ADAMTSL1: variants seen among roughly 807,000 people sequenced by gnomAD.
ADAMTSL1 encodes ADAMTS like 1.
In ADAMTSL1, 126 loss-of-function variants were observed where a neutral mutation model predicts 201.8. The ratio of observed to expected loss-of-function variants is 0.62; its 90% CI spans 0.54 to 0.72. The LOEUF (loss-of-function observed/expected upper bound fraction) is 0.72, where lower values mean the gene tolerates loss of function less well. ADAMTSL1 is among the 30% of genes least tolerant of loss of function. The pLI is 0.00. For synonymous variants in ADAMTSL1, 1,121 were observed against 903.4 expected (o/e 1.24, Z -4.32); for missense variants, 2,679 against 2,277.8 (o/e 1.18, Z -3.59).
In ADAMTSL1 at chr9:18,892,317, G is replaced by C. The variant is rs776026079; in HGVS notation, c.4644-72G>C. ...AATTAGTGGCAAGAGCAGGGATGTC[G>C]GTGGGGAGGAGGTCTCTTTTCCCCA... On this transcript the variant is annotated intron_variant, in intron 25 of 28. Coordinates refer to ENST00000380548, the MANE Select transcript of ADAMTSL1 (RefSeq NM_001040272.6). 2.8e-6 allele frequency: 4 copies of C among 1,450,168 alleles called. No individual in the cohort carries two copies. In the African/African-American group the frequency reaches 5.6e-5, roughly 20 times the overall value. The allele number at this position is 1,450,168 out of a possible 1,614,324, so 89.8% of individuals were successfully genotyped here.
At chr9:18,166,246 G>A (rs550041980) in intron 2 of ADAMTSL1, among the ~76,000 whole-genome samples, 1 of 151,842 alleles carries the variant, frequency 6.6e-6, no homozygotes, top group East Asian at 1.9e-4. Flanking sequence ...ATTTAGCCCA[G>A]CACTTGCTTC....
chr9:18,035,289 T>G (rs532767614), intron 1 of ADAMTSL1, among the ~76,000 whole-genome samples: 2 of 152,302 alleles, frequency 1.3e-5, no homozygotes, highest in East Asian at 3.9e-4. Context: ...CTGCATCCTT[T>G]TTGCACATCC....
chr9:18,432,202 TTAATC>T (rs1819524038), intron 2 of ADAMTSL1, among the ~76,000 whole-genome samples: 1 of 152,204 alleles, frequency 6.6e-6, no homozygotes, highest in Non-Finnish European at 1.5e-5. Flanking sequence ...TTTTGTGTCT[TTAATC>T]AAATCACTGA....
intron 1 of ADAMTSL1, among the ~76,000 whole-genome samples, chr9:18,163,327 G>A (rs1363741715): frequency 6.6e-6 from 1 of 152,030 alleles, no homozygotes; most frequent in Non-Finnish European, 1.5e-5. Context: ...ATAAGCTCTA[G>A]ATGAAAGTTC....
intron 2 of ADAMTSL1, among the ~76,000 whole-genome samples, chr9:18,371,830 G>A (rs1837054639): frequency 6.6e-6 from 1 of 152,150 alleles, no homozygotes; most frequent in Non-Finnish European, 1.5e-5. Flanking sequence ...AGAGCTTGAA[G>A]GGTAGATATG....
chr9:18,837,221 T>C (rs1326058957), intron 23 of ADAMTSL1, among the ~76,000 whole-genome samples: 1 of 152,230 alleles, frequency 6.6e-6, no homozygotes, highest in Non-Finnish European at 1.5e-5. Flanking sequence ...TATTTTCTTC[T>C]AGAAGTTTCA....
chr9:17,915,954 C>G (rs1223324360), intron 1 of ADAMTSL1, among the ~76,000 whole-genome samples: 5 of 151,796 alleles, frequency 3.3e-5, no homozygotes, highest in African/African-American at 1.2e-4. Flanking sequence ...CAGTCTTGCT[C>G]TGTTGCCCAG....
intron 1 of ADAMTSL1, among the ~76,000 whole-genome samples, chr9:18,083,731 A>T (rs1057383166): frequency 6.6e-6 from 1 of 152,222 alleles, no homozygotes; most frequent in Non-Finnish European, 1.5e-5. Context: ...CGTCCATAAG[A>T]CGTACATAAT....
chr9:18,277,153 G>A (rs1224216975), intron 2 of ADAMTSL1, among the ~76,000 whole-genome samples: 1 of 152,134 alleles, frequency 6.6e-6, no homozygotes, highest in African/African-American at 2.4e-5. Context: ...CTTGTTTTGT[G>A]ACTTCACATA....
At chr9:18,259,255 T>C (rs1413914128) in intron 2 of ADAMTSL1, among the ~76,000 whole-genome samples, 1 of 152,108 alleles carries the variant, frequency 6.6e-6, no homozygotes, top group Non-Finnish European at 1.5e-5. Context: ...CTACTACCCA[T>C]CTTAGTTAAA....
intron 1 of ADAMTSL1, among the ~76,000 whole-genome samples, chr9:17,954,558 C>T (rs150816358): frequency 8.7e-4 from 133 of 152,252 alleles, no homozygotes; most frequent in Admixed American, 1.6e-3. Context: ...AGCTCCCAAA[C>T]TTAGTTACTG....
At chr9:18,385,367 C>A (rs748060618) in intron 2 of ADAMTSL1, among the ~76,000 whole-genome samples, 3 of 152,072 alleles carry the variant, frequency 2.0e-5, no homozygotes, top group Non-Finnish European at 4.4e-5. Flanking sequence ...TGGTGTTACT[C>A]ATTCTATGGT....
chr9:17,944,476 T>C (rs1224131471), intron 1 of ADAMTSL1, among the ~76,000 whole-genome samples: 5 of 152,048 alleles, frequency 3.3e-5, no homozygotes, highest in Non-Finnish European at 7.4e-5. Flanking sequence ...TTAAAGTTCA[T>C]ATGGAACCAA....
chr9:18,016,470 G>A (rs1820266252), intron 1 of ADAMTSL1, among the ~76,000 whole-genome samples: 1 of 151,958 alleles, frequency 6.6e-6, no homozygotes, highest in African/African-American at 2.4e-5. Context: ...CAGAAGCACA[G>A]AACAGAGTCC....
chr9:18,639,334 A>C lies in ADAMTSL1; in HGVS notation c.757A>C (p.Ser253Arg). The change falls in exon 7 of 29, where the codon AGT becomes CGT. Residue 253 changes from serine to arginine, a missense_variant. Ser to Arg is a moderately radical substitution (Grantham distance 110). Coordinates refer to ENST00000380548, the MANE Select transcript of ADAMTSL1 (RefSeq NM_001040272.6). ...STGTFLVDNS[S>R]VDFQKFPDKE... ...AGGAACTTTCCTTGTGGACAATTCT[A>C]GTGTGGACTTCCAGAAATTTCCAGA... is the stretch of plus-strand genomic sequence containing the variant. 6.2e-7 allele frequency: 1 copy of C among 1,613,036 alleles called. No homozygotes were observed. Among genetic ancestry groups the C allele is most frequent in the South Asian group, 1.1e-5 (1 of 91,030 alleles).
intron 16 of ADAMTSL1, among the ~76,000 whole-genome samples, chr9:18,764,857 A>G (rs1043450767): frequency 1.3e-5 from 2 of 152,240 alleles, no homozygotes; most frequent in Non-Finnish European, 2.9e-5. Flanking sequence ...CAGCTGTTTT[A>G]TCAACATGTT....
chr9:17,977,993 G>A (rs1363602914), intron 1 of ADAMTSL1, among the ~76,000 whole-genome samples: 1 of 151,964 alleles, frequency 6.6e-6, no homozygotes, highest in Non-Finnish European at 1.5e-5. Context: ...GTGCTTCAGT[G>A]TGTTGGATAT....
rs148817289 is a variant in ADAMTSL1 at position 18,262,880 on chromosome 9, C to T, written c.207+98899C>T. Among the ~76,000 whole-genome samples the T allele has an allele frequency of 5.1e-3, 777 of 152,246 alleles. 6 individuals carry two copies. The highest frequency in any genetic ancestry group is 0.018 in the African/African-American group (743 of 41,536). The stretch of plus-strand genomic sequence containing the variant: ...TGCACCAGGATCCACACTGAAAGAA[C>T]ACATCATTTGAACTAGTTGAGAGCA... On this transcript the variant is annotated intron_variant, in intron 2 of 29. Coordinates refer to the ADAMTSL1 transcript ENST00000680146.
chr9:18,485,621 A>G (rs1041418757), intron 1 of ADAMTSL1, among the ~76,000 whole-genome samples: 2 of 152,202 alleles, frequency 1.3e-5, no homozygotes, highest in African/African-American at 2.4e-5. Context: ...GAATAACTCA[A>G]TGGAAGTTCA....
Sources: allele counts gnomAD v4.1 joint callset (sites outside exome capture counted in the v4.1 genomes callset), GRCh38; gene constraint gnomAD v4.1.1; transcripts MANE v1.5; gene names NCBI Gene and HGNC (gene_info 2026-07-23, HGNC 2026-07-21).